CMTM6: variants seen among roughly 807,000 people sequenced by gnomAD.
The protein encoded by CMTM6 is CKLF-like MARVEL transmembrane domain-containing protein 6.
CMTM6 carries 5 observed loss-of-function variants against 13.6 expected under a neutral mutation model. The ratio of observed to expected loss-of-function variants is 0.37; its 90% CI spans 0.19 to 0.77. The LOEUF (loss-of-function observed/expected upper bound fraction) is 0.77. Ranked by LOEUF, CMTM6 falls within the 30% of genes least tolerant of loss-of-function variation. The probability of loss-of-function intolerance (pLI) is 0.50; values close to 1 mark genes in which losing one functional copy is unlikely to be tolerated. For missense variants in CMTM6, 196 were observed against 218.6 expected, an observed-to-expected ratio of 0.90 and a Z score of 0.65; for synonymous variants, 99 against 84.5, an observed-to-expected ratio of 1.17 and a Z score of -0.94.
At chr3:32,497,507 T>C (rs900756226) in intron 1 of CMTM6, among the ~76,000 whole-genome samples, 2 of 150,850 alleles carry the variant, frequency 1.3e-5, no homozygotes, top group Non-Finnish European at 2.9e-5. Flanking sequence ...TATTTTAATA[T>C]TTTTAGTTGA....
Position 32,483,837 on chromosome 3 carries a change from CT to C in CMTM6, c.*122del. On this transcript the variant is annotated 3_prime_UTR_variant, in exon 4 of 4. Coordinates refer to ENST00000205636, the MANE Select transcript of CMTM6 (RefSeq NM_017801.3). The stretch of plus-strand genomic sequence containing the variant: ...ATATTGATAAAACTGCCTTCTTGAC[CT>C]TCCCCTTGCTCTCCAAAAGAAGTGG... 1 of 1,012,172 alleles carries C rather than the reference CT, an allele frequency of 9.9e-7. No homozygotes were observed. Among genetic ancestry groups the C allele is most frequent in the Non-Finnish European group, 1.3e-6 (1 of 745,944 alleles). 62.7% of individuals were successfully genotyped at this position (1,012,172 alleles called of 1,614,324 possible). A position where few individuals can be genotyped will look rare whatever the true frequency, so the allele number is the denominator to read the frequency against.
chr3:32,502,851 T>TC lies in CMTM6; in HGVS notation c.-107dup, dbSNP rs1265078942. 2 of 1,295,078 alleles carry TC rather than the reference T, an allele frequency of 1.5e-6. No homozygotes were observed. Among genetic ancestry groups the TC allele is most frequent in the Non-Finnish European group, 2.0e-6 (2 of 1,006,808 alleles). 80.2% of individuals were successfully genotyped at this position (1,295,078 alleles called of 1,614,324 possible). On this transcript the variant is annotated 5_prime_UTR_variant, in exon 1 of 4. Coordinates refer to ENST00000205636, the MANE Select transcript of CMTM6 (RefSeq NM_017801.3). ...GGCGGCCGTCACTTCCTGGGCCTTC[T>TC]CCCCGGCTTCCGCCTGACTCCGCCC...
chr3:32,495,011 C>CT (rs112734442), intron 1 of CMTM6, among the ~76,000 whole-genome samples: 2,025 of 144,266 alleles, frequency 0.014, 32 homozygotes, highest in South Asian at 0.032. Context: ...CCTCCCTGTA[C>CT]TTTTTTTTTT....
intron 3 of CMTM6, among the ~76,000 whole-genome samples, chr3:32,485,387 C>T (rs1038467668): frequency 6.6e-6 from 1 of 151,970 alleles, no homozygotes; most frequent in African/African-American, 2.4e-5. Flanking sequence ...CTGGGACAGT[C>T]TAATTAAAAT....
At chr3:32,486,316 A>G (rs1697204657) in intron 3 of CMTM6, among the ~76,000 whole-genome samples, 1 of 152,216 alleles carries the variant, frequency 6.6e-6, no homozygotes, top group African/African-American at 2.4e-5. Flanking sequence ...TTAATTTACA[A>G]TTCCGAAACC....
intron 2 of CMTM6, 35 bp downstream of exon 2, chr3:32,491,675 C>T (rs771898106): frequency 1.3e-6 from 2 of 1,506,868 alleles, no homozygotes; most frequent in Non-Finnish European, 1.8e-6. Context: ...TACAAAACAG[C>T]TATTAATACA....
At chr3:32,489,153 C>A (rs1289402179) in intron 2 of CMTM6, among the ~76,000 whole-genome samples, 2 of 151,176 alleles carry the variant, frequency 1.3e-5, no homozygotes, top group East Asian at 3.9e-4. Flanking sequence ...GCCTGTAGTC[C>A]CAGCTATTCT....
At chr3:32,499,194 CG>C (rs1326328487) in intron 1 of CMTM6, among the ~76,000 whole-genome samples, 1 of 152,098 alleles carries the variant, frequency 6.6e-6, no homozygotes, top group African/African-American at 2.4e-5. Flanking sequence ...GCTGACATTA[CG>C]GGATCTTCCT....
chr3:32,489,327 A>G (rs574175789), intron 2 of CMTM6, among the ~76,000 whole-genome samples: 27 of 151,250 alleles, frequency 1.8e-4, no homozygotes, highest in Non-Finnish European at 3.7e-4. Context: ...CTAAATTGTC[A>G]ATCATTCACT....
intron 2 of CMTM6, chr3:32,488,424 G>T (rs1281012158): frequency 6.6e-6 from 1 of 152,544 alleles, no homozygotes; most frequent in African/African-American, 2.4e-5. Flanking sequence ...GCAAGTGTTT[G>T]TGTGTGTCCT....
intron 2 of CMTM6, among the ~76,000 whole-genome samples, chr3:32,490,461 T>C (rs1697241641): frequency 6.6e-6 from 1 of 152,186 alleles, no homozygotes; most frequent in African/African-American, 2.4e-5. Flanking sequence ...TTACAAATAT[T>C]TTAAATTTTA....
chr3:32,489,600 C>T (rs923448508), intron 2 of CMTM6, among the ~76,000 whole-genome samples: 5 of 150,922 alleles, frequency 3.3e-5, no homozygotes, highest in African/African-American at 4.9e-5. Context: ...TGCAGTGAGC[C>T]GAGATCGTGC....
chr3:32,489,931 G>A (rs981431888), intron 2 of CMTM6, among the ~76,000 whole-genome samples: 48 of 152,142 alleles, frequency 3.2e-4, no homozygotes, highest in African/African-American at 9.4e-4. Context: ...GTTGGCTACT[G>A]TTGTTCTTAA....
rs573110331 is a variant in CMTM6, at chr3:32,486,039, G to A, written c.414+1899C>T. ...ACTACAGGCGCCTGCCACCATGCCC[G>A]GCTAAGTTTTGTATTTTTAGTAGAG... is the stretch of plus-strand genomic sequence containing the variant. On this transcript the variant is annotated intron_variant, in intron 3 of 3. Coordinates refer to ENST00000205636, the MANE Select transcript of CMTM6 (RefSeq NM_017801.3). Among the ~76,000 whole-genome samples, 9 of 152,156 alleles carry A rather than the reference G, an allele frequency of 5.9e-5. No homozygotes were observed. In the East Asian group the frequency reaches 1.2e-3, roughly 20 times the overall value.
At chr3:32,495,514 C>T (rs1231995438) in intron 1 of CMTM6, among the ~76,000 whole-genome samples, 1 of 152,192 alleles carries the variant, frequency 6.6e-6, no homozygotes, top group East Asian at 1.9e-4. Context: ...AAAAGTTTCT[C>T]TCTGAGAAAT....
At chr3:32,485,275 T>C (rs1010844528) in intron 3 of CMTM6, among the ~76,000 whole-genome samples, 3 of 152,100 alleles carry the variant, frequency 2.0e-5, no homozygotes, top group Non-Finnish European at 4.4e-5. Flanking sequence ...TATAAAACTT[T>C]TCATAATTTA....
In CMTM6 at chr3:32,483,603, G is replaced by A; in HGVS notation, c.*357C>T. The A allele has an allele frequency of 6.2e-6, 1 of 161,140 alleles. No homozygotes were observed. Among genetic ancestry groups the A allele is most frequent in the Non-Finnish European group, 1.3e-5 (1 of 74,158 alleles). 10.0% of individuals were successfully genotyped at this position (161,140 alleles called of 1,614,324 possible). A position where few individuals can be genotyped will look rare whatever the true frequency, so the allele number is the denominator to read the frequency against. Reference sequence around the variant, plus strand: ...TGAATATAATCACGATGTTTATACAGCTATAAAGCATAATTTGGAAGCTAA... The same window carrying A: ...TGAATATAATCACGATGTTTATACAACTATAAAGCATAATTTGGAAGCTAA... On this transcript the variant is annotated 3_prime_UTR_variant, in exon 4 of 4. Coordinates refer to ENST00000205636, the MANE Select transcript of CMTM6 (RefSeq NM_017801.3).
chr3:32,492,556 G>A (rs1575138349), intron 1 of CMTM6, among the ~76,000 whole-genome samples: 1 of 152,326 alleles, frequency 6.6e-6, no homozygotes, highest in South Asian at 2.1e-4. Context: ...GCTACAATAT[G>A]GAGAAGGGAC....
At position 32,502,784 on chromosome 3, in the gene CMTM6, G is replaced by A. The variant is rs1390148224; in HGVS notation, c.-39C>T. 17 of 1,398,162 alleles carry A rather than the reference G, an allele frequency of 1.2e-5. No homozygotes were observed. The highest frequency in any genetic ancestry group is 1.5e-5 in the South Asian group (1 of 65,466). 86.6% of individuals were successfully genotyped at this position (1,398,162 alleles called of 1,614,324 possible). A position where few individuals can be genotyped will look rare whatever the true frequency, so the allele number is the denominator to read the frequency against. ...GGAGCGCGGCGGCCGCAGCAACCGCGCCGTTGACTTCTCGGACTCCAGAAG... is the reference window on the plus strand; with the variant it reads ...GGAGCGCGGCGGCCGCAGCAACCGCACCGTTGACTTCTCGGACTCCAGAAG... On this transcript the variant is annotated 5_prime_UTR_variant, in exon 1 of 4. Coordinates refer to ENST00000205636, the MANE Select transcript of CMTM6 (RefSeq NM_017801.3).
Sources: allele counts gnomAD v4.1 joint callset (sites outside exome capture counted in the v4.1 genomes callset), GRCh38; gene constraint gnomAD v4.1.1; transcripts MANE v1.5; gene names NCBI Gene and HGNC (gene_info 2026-07-23, HGNC 2026-07-21).